COPE: variants seen among roughly 807,000 people sequenced by gnomAD.
COPE encodes the protein coatomer subunit epsilon.
Under a neutral mutation model 42.1 loss-of-function variants are expected in COPE, and 19 were observed. The ratio of observed to expected loss-of-function variants is 0.45; its 90% confidence interval spans 0.31 to 0.66. The LOEUF (loss-of-function observed/expected upper bound fraction) is 0.66, where lower values mean the gene tolerates loss of function less well. Ranked by LOEUF, COPE falls within the 30% of genes least tolerant of loss-of-function variation. The probability of loss-of-function intolerance (pLI) is 0.05; values close to 1 mark genes in which losing one functional copy is unlikely to be tolerated. For synonymous variants in COPE, 195 were observed against 181.3 expected (o/e 1.08, Z -0.60); for missense variants, 402 against 416.1 (o/e 0.97, Z 0.30).
intron 3 of COPE, among the ~76,000 whole-genome samples, chr19:18,909,256 C>G (rs1369660244): frequency 2.0e-5 from 3 of 152,218 alleles, no homozygotes; most frequent in African/African-American, 7.2e-5. Context: ...GGTCACCTGT[C>G]TCAATGTCCT....
intron 6 of COPE, 32 bp from the exon 7 acceptor site, chr19:18,903,455 C>A (rs767084474): frequency 2.5e-6 from 4 of 1,569,316 alleles, no homozygotes; most frequent in Non-Finnish European, 3.5e-6. Context: ...ATTGCCTGTG[C>A]CCCTGCTGCC....
At chr19:18,912,126 C>T (rs576888019) in intron 2 of COPE, among the ~76,000 whole-genome samples, 4 of 152,138 alleles carry the variant, frequency 2.6e-5, no homozygotes, top group South Asian at 2.1e-4. Context: ...GGATTACAGG[C>T]GTGAACCACC....
intron 4 of COPE, 128 bp downstream of exon 4, chr19:18,906,832 A>C: frequency 1.8e-6 from 2 of 1,105,990 alleles, no homozygotes; most frequent in Non-Finnish European, 2.5e-6. Flanking sequence ...ACAGCAGGCC[A>C]GGGCCTCATT....
rs955442494 is a variant in COPE, at chr19:18,911,842, A to G, written c.190-771T>C. On this transcript the variant is annotated intron_variant, in intron 2 of 9. Transcript: ENST00000262812. ...GCTGGGATTACAGGTGTGAGCCACCACGCCCGGCCTTTTTTTTTTTTTTTT... is the reference window on the plus strand; with the variant it reads ...GCTGGGATTACAGGTGTGAGCCACCGCGCCCGGCCTTTTTTTTTTTTTTTT... 2.4e-4 allele frequency among the ~76,000 whole-genome samples: 33 copies of G among 135,068 alleles called. 1 individual carries two copies. Among genetic ancestry groups the G allele is most frequent in the Middle Eastern group, 4.3e-3 (1 of 234 alleles). The allele number at this position is 135,068 out of a possible 152,430, so 88.6% of individuals were successfully genotyped here. A position where few individuals can be genotyped will look rare whatever the true frequency, so the allele number is the denominator to read the frequency against.
At chr19:18,911,442 G>A (rs535307112) in intron 2 of COPE, 11 of 236,028 alleles carry the variant, frequency 4.7e-5, no homozygotes, top group Non-Finnish European at 8.7e-5. Flanking sequence ...CATGCCCCCA[G>A]CCAGCCCTGC....
At chr19:18,910,478 A>G in intron 3 of COPE, 1 of 164,788 alleles carries the variant, frequency 6.1e-6, no homozygotes, top group South Asian at 1.5e-4. Context: ...GTAGCTACTC[A>G]GGAGGCTGAG....
intron 2 of COPE, among the ~76,000 whole-genome samples, chr19:18,912,738 CAAAA>C (rs10716350): frequency 2.7e-5 from 3 of 113,144 alleles, no homozygotes; most frequent in Non-Finnish European, 3.7e-5. Context: ...GACTCCGTCT[CAAAA>C]AAAAAAAAAA....
chr19:18,906,672 T>G (rs1601220431), intron 4 of COPE: 1 of 305,072 alleles, frequency 3.3e-6, no homozygotes, highest in Non-Finnish European at 6.0e-6. Context: ...TCGTGGGGGG[T>G]GGGGACACAG....
At chr19:18,903,233 C>T (rs765443872) in intron 7 of COPE, 35 bp downstream of exon 7, 21 of 1,529,758 alleles carry the variant, frequency 1.4e-5, no homozygotes, top group Admixed American at 2.1e-5. Flanking sequence ...CCTGGCCTTC[C>T]CTCCGTCCCC....
chr19:18,907,225 G>T, intron 3 of COPE, 113 bp from the exon 4 acceptor site: 3 of 1,145,822 alleles, frequency 2.6e-6, no homozygotes, highest in Non-Finnish European at 3.6e-6. Flanking sequence ...GGCCCTGGGG[G>T]TGCAGAGCAG....
chr19:18,912,215 C>T (rs141361619), intron 2 of COPE, among the ~76,000 whole-genome samples: 259 of 152,260 alleles, frequency 1.7e-3, no homozygotes, highest in African/African-American at 5.9e-3. Flanking sequence ...GGCGTGATCA[C>T]GGCTCACTGT....
At chr19:18,903,559 T>C (rs2056729814) in intron 6 of COPE, 136 bp from the exon 7 acceptor site, 1 of 1,043,482 alleles carries the variant, frequency 9.6e-7, no homozygotes. Context: ...GCACAGCCAC[T>C]CCGCCATGGG....
chr19:18,917,884 T>TG (rs2056869107), intron 1 of COPE, among the ~76,000 whole-genome samples: 2 of 151,956 alleles, frequency 1.3e-5, no homozygotes, highest in African/African-American at 4.8e-5. Flanking sequence ...GGGGTATGCC[T>TG]GCAGCTGCAG....
Position 18,919,271 on chromosome 19 carries a change from G to A in COPE, c.78C>T (p.Phe26=), listed in dbSNP as rs775724219. 7 of 1,613,986 alleles carry A rather than the reference G, an allele frequency of 4.3e-6. No individual in the cohort carries two copies. Among genetic ancestry groups the A allele is most frequent in the African/African-American group, 2.7e-5 (2 of 75,080 alleles). Residue 26 remains phenylalanine (F), a synonymous_variant, in exon 1 of 10, where the codon TTC becomes TTT. Coordinates refer to ENST00000262812, the MANE Select transcript of COPE (RefSeq NM_007263.4). ...TGCACTGCTGGTAGCTGCCGATGTA[G>A]AAGGCGTTCTTTACGTCGAACAGCT... ...VDELFDVKNA[F]YIGSYQQCIN...
At position 18,910,956 on chromosome 19, in the gene COPE, TC is replaced by T. The variant is rs776263332; in HGVS notation, c.290+14del. 4 of 1,612,640 alleles carry T rather than the reference TC, an allele frequency of 2.5e-6. No homozygotes were observed. In the South Asian group the frequency reaches 4.4e-5, roughly 18 times the overall value. On this transcript the variant is annotated intron_variant, in intron 3 of 9. Coordinates refer to ENST00000262812, the MANE Select transcript of COPE (RefSeq NM_007263.4). ...GGCCCCGCGCCTCAGGCCAACCCAT[TC>T]TCTGGGGCCTCACCTCCGACTCTCG...
At chr19:18,901,896 C>G (rs1369460508) in intron 7 of COPE, among the ~76,000 whole-genome samples, 3 of 152,130 alleles carry the variant, frequency 2.0e-5, no homozygotes, top group Admixed American at 2.0e-4. Flanking sequence ...AAATAATAAT[C>G]CAGGCTGGGC....
intron 2 of COPE, among the ~76,000 whole-genome samples, chr19:18,912,461 GAA>G (rs57706060): frequency 7.1e-6 from 1 of 141,396 alleles, no homozygotes. Flanking sequence ...ATTATTTTAG[GAA>G]AAAAAAAAAA....
At chr19:18,909,180 A>C (rs2056788382) in intron 3 of COPE, among the ~76,000 whole-genome samples, 1 of 152,226 alleles carries the variant, frequency 6.6e-6, no homozygotes, top group Non-Finnish European at 1.5e-5. Context: ...TGGGGGACCC[A>C]GGGTTCCCTG....
At chr19:18,904,319 T>C (rs577934243) in intron 6 of COPE, among the ~76,000 whole-genome samples, 5 of 152,318 alleles carry the variant, frequency 3.3e-5, no homozygotes, top group African/African-American at 1.2e-4. Context: ...GGGGGCCAAG[T>C]CCCAGAAACC....
Sources: allele counts gnomAD v4.1 joint callset (sites outside exome capture counted in the v4.1 genomes callset), GRCh38; gene constraint gnomAD v4.1.1; transcripts MANE v1.5; gene names NCBI Gene and HGNC (gene_info 2026-07-23, HGNC 2026-07-21).